The following CPNE8 variants were observed in gnomAD, a reference collection of about 807,000 sequenced individuals.
The protein encoded by CPNE8 is copine 8.
Under a neutral mutation model 81.5 loss-of-function variants are expected in CPNE8, and 45 were observed. The observed-to-expected ratio is 0.55, with a 90% CI of 0.44 to 0.71. The LOEUF (loss-of-function observed/expected upper bound fraction) is 0.71, where lower values mean the gene tolerates loss of function less well. Among genes scored for constraint, CPNE8 ranks in the 30% least tolerant of loss-of-function variants. The pLI is 0.00. For synonymous variants in CPNE8, 252 were observed against 226.3 expected (o/e 1.11, Z -1.02); for missense variants, 594 against 672.1 (o/e 0.88, Z 1.28).
chr12:38,881,034 C>T (rs1018968189), intron 1 of CPNE8, among the ~76,000 whole-genome samples: 2 of 151,726 alleles, frequency 1.3e-5, no homozygotes, highest in South Asian at 4.2e-4. Context: ...CACGGTGAAA[C>T]CCCGTCTCTA....
intron 3 of CPNE8, 32 bp from the exon 4 acceptor site, chr12:38,848,694 A>G (rs772477236): frequency 6.4e-7 from 1 of 1,559,752 alleles, no homozygotes; most frequent in African/African-American, 1.4e-5. Context: ...TTAAAATTAA[A>G]CCTTGTACGG....
At chr12:38,738,298 A>T (rs912226243) in intron 10 of CPNE8, among the ~76,000 whole-genome samples, 1 of 152,292 alleles carries the variant, frequency 6.6e-6, no homozygotes, top group Admixed American at 6.5e-5. Context: ...TTTAGATTTA[A>T]TAGTCTTACA....
intron 16 of CPNE8, among the ~76,000 whole-genome samples, chr12:38,679,267 C>G (rs1436669981): frequency 6.6e-6 from 1 of 151,764 alleles, no homozygotes; most frequent in East Asian, 1.9e-4. Flanking sequence ...ATATAAAATA[C>G]TGCTTCCAGT....
At chr12:38,785,993 A>G (rs1381355589) in intron 6 of CPNE8, among the ~76,000 whole-genome samples, 1 of 152,164 alleles carries the variant, frequency 6.6e-6, no homozygotes, top group Non-Finnish European at 1.5e-5. Flanking sequence ...GAAGGAAGGA[A>G]AGAAAGAAGA....
intron 12 of CPNE8, among the ~76,000 whole-genome samples, chr12:38,724,609 C>T (rs1940650519): frequency 6.6e-6 from 1 of 152,098 alleles, no homozygotes; most frequent in Admixed American, 6.5e-5. Flanking sequence ...CTCTCAGAGG[C>T]CTTGCAGCCC....
intron 3 of CPNE8, among the ~76,000 whole-genome samples, chr12:38,852,326 G>A (rs1231715941): frequency 1.3e-5 from 2 of 151,712 alleles, no homozygotes; most frequent in African/African-American, 4.8e-5. Context: ...CTACTCGGGA[G>A]GCTGAGGCAG....
intron 3 of CPNE8, among the ~76,000 whole-genome samples, chr12:38,859,048 A>T (rs1352821784): frequency 6.6e-6 from 1 of 152,176 alleles, no homozygotes; most frequent in East Asian, 1.9e-4. Flanking sequence ...AAAGGCAAAG[A>T]TGACAATTCT....
chr12:38,737,023 G>A (rs1216299926), intron 10 of CPNE8, among the ~76,000 whole-genome samples: 2 of 151,818 alleles, frequency 1.3e-5, no homozygotes, highest in African/African-American at 2.4e-5. Context: ...TAGCTTGAAC[G>A]CTAATCTCTA....
At chr12:38,834,089 G>A (rs941283645) in intron 5 of CPNE8, among the ~76,000 whole-genome samples, 5 of 152,184 alleles carry the variant, frequency 3.3e-5, no homozygotes, top group African/African-American at 1.2e-4. Flanking sequence ...AAGTGTGGAT[G>A]AAAGCCATTG....
At chr12:38,684,016 TTG>T in intron 16 of CPNE8, among the ~76,000 whole-genome samples, 2 of 152,174 alleles carry the variant, frequency 1.3e-5, no homozygotes, top group South Asian at 2.1e-4. Context: ...TTGGTAAGCA[TTG>T]ATGAACACAT....
intron 1 of CPNE8, among the ~76,000 whole-genome samples, chr12:38,899,277 C>T (rs1944427745): frequency 1.3e-5 from 2 of 152,020 alleles, no homozygotes; most frequent in Non-Finnish European, 2.9e-5. Context: ...ATGGTGCCTG[C>T]CCTTATGAAT....
chr12:38,724,845 C>T lies in CPNE8; in HGVS notation c.852+1G>A. 6.9e-7 allele frequency: 1 copy of T among 1,453,202 alleles called. No individual in the cohort carries two copies. Among genetic ancestry groups the T allele is most frequent in the African/African-American group, 1.4e-5 (1 of 71,546 alleles). 90.0% of individuals were successfully genotyped at this position (1,453,202 alleles called of 1,614,324 possible). ...AATAAATAACATAAAATTTGACTTA[C>T]TGTTCCAGAATTAGTATATTTTTTC... On this transcript the variant is annotated splice_donor_variant, in intron 12 of 19. Coordinates refer to ENST00000331366, the MANE Select transcript of CPNE8 (RefSeq NM_153634.3). LOFTEE classifies it high-confidence loss of function.
Position 38,731,189 on chromosome 12 carries a change from C to T in CPNE8, c.723-831G>A, listed in dbSNP as rs189821249. On this transcript the variant is annotated intron_variant, in intron 10 of 19. Transcript: ENST00000331366. ...TATTCAGTGCAATGGTGAAATGTAG[C>T]ACGTTAGAAGAATATACAGATTGTA... is the stretch of plus-strand genomic sequence containing the variant. Among the ~76,000 whole-genome samples, 309 of 151,958 alleles carry T rather than the reference C, an allele frequency of 2.0e-3. 2 individuals are homozygous for T. The highest frequency in any genetic ancestry group is 0.017 in the Middle Eastern group (5 of 294).
chr12:38,796,318 C>T (rs907834061), intron 6 of CPNE8, among the ~76,000 whole-genome samples: 6 of 151,702 alleles, frequency 4.0e-5, no homozygotes, highest in Non-Finnish European at 5.9e-5. Flanking sequence ...AAATCTTGAA[C>T]TCAAAAGGAA....
At chr12:38,876,806 C>T (rs540032849) in intron 1 of CPNE8, among the ~76,000 whole-genome samples, 12 of 152,052 alleles carry the variant, frequency 7.9e-5, no homozygotes, top group Non-Finnish European at 1.6e-4. Context: ...CATATATGAT[C>T]GCAAAGTTGG....
chr12:38,818,727 G>A (rs1013165972), intron 6 of CPNE8, among the ~76,000 whole-genome samples: 2 of 152,118 alleles, frequency 1.3e-5, no homozygotes, highest in African/African-American at 2.4e-5. Flanking sequence ...CACAATGGTT[G>A]AACTAATTTA....
intron 5 of CPNE8, among the ~76,000 whole-genome samples, chr12:38,835,324 T>A (rs1378472072): frequency 1.3e-5 from 2 of 152,156 alleles, no homozygotes; most frequent in African/African-American, 4.8e-5. Flanking sequence ...ACCATGCTGG[T>A]TGGTTTAGGG....
chr12:38,698,329 C>A lies in CPNE8; in HGVS notation c.962-4491G>T, dbSNP rs539430510. Among the ~76,000 whole-genome samples the A allele has an allele frequency of 3.3e-5, 5 of 152,202 alleles. No homozygotes were observed. The East Asian group carries it at 9.6e-4, about 29-fold the overall frequency. On this transcript the variant is annotated intron_variant, in intron 14 of 19. Transcript: ENST00000331366. The stretch of plus-strand genomic sequence containing the variant: ...AGTCCCTCATGAGAGGTATGATTTG[C>A]GAACATTTTTTCCATTTTGGGGGAT...
At chr12:38,770,431 C>G (rs117850736) in intron 7 of CPNE8, among the ~76,000 whole-genome samples, 3,581 of 152,342 alleles carry the variant, frequency 0.024, 68 homozygotes, top group Non-Finnish European at 0.038. Context: ...CTCACCCAGA[C>G]ATGTTCATTG....
Sources: gnomAD v4.1 joint callset for allele counts (sites outside exome capture counted in the v4.1 genomes callset) on GRCh38, gnomAD v4.1.1 for gene constraint, MANE v1.5 for transcripts, NCBI Gene and HGNC (gene_info 2026-07-23, HGNC 2026-07-21) for gene names.